PRKG1: variants seen among roughly 807,000 people sequenced by gnomAD.
The protein encoded by PRKG1 is protein kinase cGMP-dependent 1, also known as cGMP-dependent protein kinase 1.
PRKG1 carries 35 observed loss-of-function variants against 88.1 expected under a neutral mutation model. The observed-to-expected ratio is 0.40, with a 90% CI of 0.30 to 0.53. The LOEUF (loss-of-function observed/expected upper bound fraction) is 0.53. Ranked by LOEUF, PRKG1 falls within the 20% of genes least tolerant of loss-of-function variation. The probability of loss-of-function intolerance (pLI) is 0.59; values close to 1 mark genes in which losing one functional copy is unlikely to be tolerated. For synonymous variants in PRKG1, 303 were observed against 292.5 expected (o/e 1.04, Z -0.37); for missense variants, 540 against 839.8 (o/e 0.64, Z 4.41).
chr10:51,006,323 C>A (rs1842940136), intron 1 of PRKG1, among the ~76,000 whole-genome samples: 2 of 152,104 alleles, frequency 1.3e-5, no homozygotes, highest in South Asian at 4.1e-4. Context: ...AAAACCACAG[C>A]CTCTTCAATT....
chr10:51,853,049 T>C (rs542592127), intron 4 of PRKG1, among the ~76,000 whole-genome samples: 2 of 152,048 alleles, frequency 1.3e-5, no homozygotes, highest in African/African-American at 4.8e-5. Flanking sequence ...CAAAACATGG[T>C]GATATATTTA....
intron 2 of PRKG1, among the ~76,000 whole-genome samples, chr10:51,407,371 C>T (rs565479276): frequency 3.3e-5 from 5 of 152,242 alleles, no homozygotes; most frequent in African/African-American, 7.2e-5. Flanking sequence ...ATCCCCAACC[C>T]AAATGCTATT....
intron 1 of PRKG1, among the ~76,000 whole-genome samples, chr10:51,105,795 T>C (rs1844820114): frequency 6.6e-6 from 1 of 152,216 alleles, no homozygotes; most frequent in Non-Finnish European, 1.5e-5. Flanking sequence ...TACTTTTGCC[T>C]TCATATTGTT....
At chr10:51,279,419 T>C (rs1167817104) in intron 2 of PRKG1, among the ~76,000 whole-genome samples, 1 of 151,178 alleles carries the variant, frequency 6.6e-6, no homozygotes, top group South Asian at 2.1e-4. Flanking sequence ...TGCTTAGAAT[T>C]CCTGGATATC....
intron 2 of PRKG1, among the ~76,000 whole-genome samples, chr10:51,406,813 G>A (rs1242965911): frequency 6.6e-6 from 1 of 152,068 alleles, no homozygotes; most frequent in African/African-American, 2.4e-5. Context: ...GTTCTCTAGA[G>A]GGAAAGAACT....
intron 3 of PRKG1, among the ~76,000 whole-genome samples, chr10:51,479,867 G>A (rs1840305370): frequency 1.3e-5 from 2 of 151,874 alleles, no homozygotes; most frequent in Non-Finnish European, 2.9e-5. Context: ...TTGAATTTTA[G>A]GTTTCTCCCG....
chr10:51,273,411 AC>A (rs1840033365), intron 2 of PRKG1, among the ~76,000 whole-genome samples: 2 of 151,548 alleles, frequency 1.3e-5, no homozygotes, highest in East Asian at 1.9e-4. Context: ...AGTCCCAGCT[AC>A]CTGAGAGGCT....
intron 9 of PRKG1, among the ~76,000 whole-genome samples, chr10:52,178,117 T>C (rs543576349): frequency 2.2e-4 from 34 of 152,156 alleles, no homozygotes; most frequent in South Asian, 2.1e-3. Context: ...TCTAGTTTTT[T>C]TGATATAGGC....
chr10:51,930,159 C>T (rs1842658818), intron 5 of PRKG1, among the ~76,000 whole-genome samples: 1 of 152,084 alleles, frequency 6.6e-6, no homozygotes, highest in Non-Finnish European at 1.5e-5. Context: ...CTGTATGATT[C>T]CACTTATGTG....
At chr10:51,279,997 T>C (rs1347638770) in intron 2 of PRKG1, among the ~76,000 whole-genome samples, 1 of 152,242 alleles carries the variant, frequency 6.6e-6, no homozygotes, top group East Asian at 1.9e-4. Flanking sequence ...GGCATGCTTT[T>C]GCAGTGGCTG....
chr10:51,707,521 G>A (rs1469246932), intron 3 of PRKG1, among the ~76,000 whole-genome samples: 1 of 152,076 alleles, frequency 6.6e-6, no homozygotes, highest in Non-Finnish European at 1.5e-5. Flanking sequence ...CATAAACTGT[G>A]GAAAAGTACA....
At chr10:51,425,547 G>A (rs548306722) in intron 2 of PRKG1, among the ~76,000 whole-genome samples, 5 of 152,270 alleles carry the variant, frequency 3.3e-5, no homozygotes, top group Admixed American at 3.3e-4. Context: ...TGATTTAATA[G>A]AGGAGTTGCT....
intron 2 of PRKG1, among the ~76,000 whole-genome samples, chr10:51,354,450 G>A (rs966185750): frequency 3.3e-5 from 5 of 151,854 alleles, no homozygotes; most frequent in Admixed American, 6.6e-5. Flanking sequence ...CTATGTACCC[G>A]GAAAAATTAT....
rs547692969 is a variant in PRKG1, at chr10:51,424,068, A to C, written c.479-43655A>C. Among the ~76,000 whole-genome samples the C allele has an allele frequency of 3.3e-5, 5 of 152,244 alleles. No homozygotes were observed. In the South Asian group the frequency reaches 1.0e-3, roughly 32 times the overall value. On this transcript the variant is annotated intron_variant, in intron 2 of 17. Transcript: ENST00000373980. ...TTATGGTACCTAAATTGAAATATCA[A>C]ATTGCAGATATTTGAGACTCTGGCA...
intron 9 of PRKG1, among the ~76,000 whole-genome samples, chr10:52,179,887 C>T (rs1030713332): frequency 1.3e-5 from 2 of 152,154 alleles, no homozygotes; most frequent in South Asian, 2.1e-4. Flanking sequence ...TGGGTTTTCA[C>T]TGTGTTGGCC....
intron 1 of PRKG1, among the ~76,000 whole-genome samples, chr10:51,076,893 TG>T (rs1843966840): frequency 1.3e-5 from 2 of 152,328 alleles, no homozygotes; most frequent in Admixed American, 1.3e-4. Context: ...ACTAATAACT[TG>T]TATTTTAAAG....
chr10:51,355,087 G>A (rs1189310), intron 2 of PRKG1, among the ~76,000 whole-genome samples: 113,231 of 151,996 alleles, frequency 0.74, 42,543 homozygotes, highest in Middle Eastern at 0.86. Flanking sequence ...CCATAAATGG[G>A]TCCATACAAC....
chr10:51,962,282 TG>T (rs1249672817), intron 5 of PRKG1, among the ~76,000 whole-genome samples: 1 of 152,142 alleles, frequency 6.6e-6, no homozygotes, highest in East Asian at 1.9e-4. Flanking sequence ...GAATGGTGGG[TG>T]GGAACACTAG....
chr10:51,771,701 C>A (rs577737237), intron 3 of PRKG1, among the ~76,000 whole-genome samples: 1 of 152,180 alleles, frequency 6.6e-6, no homozygotes, highest in Non-Finnish European at 1.5e-5. Context: ...GTGTATAGGG[C>A]AGTAAGAGGA....
Sources: gnomAD v4.1 joint callset for allele counts (sites outside exome capture counted in the v4.1 genomes callset) on GRCh38, gnomAD v4.1.1 for gene constraint, MANE v1.5 for transcripts, NCBI Gene and HGNC (gene_info 2026-07-23, HGNC 2026-07-21) for gene names.